The following ITIH5 variants were observed in gnomAD, a reference collection of about 807,000 sequenced individuals.
ITIH5 encodes inter-alpha-trypsin inhibitor heavy chain 5.
Under a neutral mutation model 77.5 loss-of-function variants are expected in ITIH5, and 65 were observed. The observed-to-expected ratio is 0.84, with a 90% confidence interval of 0.69 to 1.03. The LOEUF (loss-of-function observed/expected upper bound fraction) is 1.03, where lower values mean the gene tolerates loss of function less well. Among genes scored for constraint, ITIH5 ranks in the 50% least tolerant of loss-of-function variants. The pLI is 0.00. For synonymous variants in ITIH5, 525 were observed against 494.3 expected, an observed-to-expected ratio of 1.06 and a Z score of -0.82; for missense variants, 1,208 against 1,213.1, an observed-to-expected ratio of 1.00 and a Z score of 0.06.
At chr10:7,602,863 T>C (rs1833043049) in intron 7 of ITIH5, among the ~76,000 whole-genome samples, 1 of 152,190 alleles carries the variant, frequency 6.6e-6, no homozygotes, top group Admixed American at 6.5e-5. Context: ...TCCATCGTTC[T>C]TCCTTCTTCC....
rs1445928760 is a variant in ITIH5, at chr10:7,561,745, T to C, written c.*1338A>G. On this transcript the variant is annotated 3_prime_UTR_variant, in exon 14 of 14. Coordinates refer to ENST00000397146, the MANE Select transcript of ITIH5 (RefSeq NM_030569.7). ...CAGCTTTTCCTCCCAGTGCTAAGCA[T>C]GCCTTCTCATTTCACGCGGGGGCTG... 6.6e-6 allele frequency: 1 copy of C among 152,240 alleles called. No individual in the cohort carries two copies. The highest frequency in any genetic ancestry group is 1.5e-5 in the Non-Finnish European group (1 of 68,054). 9.4% of individuals were successfully genotyped at this position (152,240 alleles called of 1,614,324 possible).
intron 8 of ITIH5, among the ~76,000 whole-genome samples, chr10:7,583,863 T>C (rs1214639760): frequency 6.6e-6 from 1 of 152,092 alleles, no homozygotes; most frequent in Non-Finnish European, 1.5e-5. Flanking sequence ...AACTGGGGCA[T>C]CTCCTTCCCA....
intron 7 of ITIH5, among the ~76,000 whole-genome samples, chr10:7,615,683 T>C (rs1833349077): frequency 6.6e-6 from 1 of 152,204 alleles, no homozygotes; most frequent in Admixed American, 6.5e-5. Flanking sequence ...CCATCAATGA[T>C]AGTGCTGAGG....
rs1012032560 is a variant in ITIH5, at chr10:7,559,945, T to A, written c.*3138A>T. 8.1e-5 allele frequency: 35 copies of A among 430,700 alleles called. No homozygotes were observed. The highest frequency in any genetic ancestry group is 5.8e-4 in the Admixed American group (23 of 39,844). The allele number at this position is 430,700 out of a possible 1,614,324, so 26.7% of individuals were successfully genotyped here. Reference sequence around the variant, plus strand: ...TGGCTCACTACAAGTTCCGACTGCCTGGTTCAAGCGATTCTCCTGCCTCAG... The same window carrying A: ...TGGCTCACTACAAGTTCCGACTGCCAGGTTCAAGCGATTCTCCTGCCTCAG... On this transcript the variant is annotated 3_prime_UTR_variant, in exon 14 of 14. Transcript: ENST00000397146.
At chr10:7,611,740 T>A (rs1018127574) in intron 7 of ITIH5, among the ~76,000 whole-genome samples, 2 of 152,116 alleles carry the variant, frequency 1.3e-5, no homozygotes, top group Non-Finnish European at 2.9e-5. Flanking sequence ...TGCATGCAAT[T>A]TTCTAGTGTT....
rs1279469051 is a variant in ITIH5 at position 7,576,565 on chromosome 10, C to T, written c.1866G>A (p.Lys622=). ...YRFLTPFTSM[K]LRGPVPRMDG... is the part of the protein sequence containing the mutation. ...CCATGCGTGGGACCGGCCCCCTCAG[C>T]TTCATGGAGGTGAAGGGAGTGAGGA... The change falls in exon 10 of 14, where the codon AAG becomes AAA. Residue 622 remains lysine (K), a synonymous_variant. Transcript: ENST00000397146. The T allele has an allele frequency of 6.2e-7, 1 of 1,613,926 alleles. No homozygotes were observed. Among genetic ancestry groups the T allele is most frequent in the Non-Finnish European group, 8.5e-7 (1 of 1,180,026 alleles).
In ITIH5 at chr10:7,601,394, A is replaced by G. The variant is rs574793688; in HGVS notation, c.939+14588T>C. Among the ~76,000 whole-genome samples the G allele has an allele frequency of 2.0e-4, 31 of 152,338 alleles. No homozygotes were observed. The South Asian group carries it at 5.8e-3, about 28-fold the overall frequency. On this transcript the variant is annotated intron_variant, in intron 7 of 13. Coordinates refer to ENST00000397146, the MANE Select transcript of ITIH5 (RefSeq NM_030569.7). ...GTGACTGCTTTGTCCTCACAGAAGC[A>G]AATCTTCCAGAGCCAAATTCAAGGA...
At chr10:7,625,672 G>T (rs535528806) in intron 5 of ITIH5, among the ~76,000 whole-genome samples, 123 of 152,062 alleles carry the variant, frequency 8.1e-4, no homozygotes, top group African/African-American at 2.8e-3. Context: ...GGCTGAGGCA[G>T]GAGAATTGCT....
intron 5 of ITIH5, among the ~76,000 whole-genome samples, chr10:7,628,555 T>TCCACA (rs1456461535): frequency 2.0e-5 from 3 of 152,116 alleles, no homozygotes; most frequent in Non-Finnish European, 1.5e-5. Flanking sequence ...ATACCATGTA[T>TCCACA]TCGTGTTGTG....
chr10:7,568,880 T>C (rs12245783), intron 12 of ITIH5, among the ~76,000 whole-genome samples: 1,781 of 152,250 alleles, frequency 0.012, 41 homozygotes, highest in African/African-American at 0.04. Flanking sequence ...TGACATCCCA[T>C]GTAAGTCATC....
At position 7,580,050 on chromosome 10, in the gene ITIH5, C is replaced by T. The variant is rs781514077; in HGVS notation, c.1123G>A (p.Gly375Arg). The T allele has an allele frequency of 3.7e-6, 6 of 1,603,662 alleles. No individual in the cohort carries two copies. Among genetic ancestry groups the T allele is most frequent in the South Asian group, 2.2e-5 (2 of 89,974 alleles). Residue 375 changes from glycine (G) to arginine (R), a missense_variant, in exon 9 of 14, where the codon GGG (glycine) becomes AGG (arginine). By Grantham distance (125) the Gly-to-Arg change is moderately radical. Transcript: ENST00000397146. ...AGCCTGATGGCCCTCTGCAGGGCCC[C>T]GTTGATGTCTGTGCCTGCAGGACAC... ...MSPTGGTDIN[G>R]ALQRAIRLLN...
chr10:7,637,435 T>G lies in ITIH5; in HGVS notation c.445A>C (p.Ser149Arg). The change falls in exon 5 of 14, where the codon AGC becomes CGC. Residue 149 changes from serine to arginine, a missense_variant. Physicochemically the swap from Ser to Arg is moderately radical, Grantham distance 110 (BLOSUM62 -1). Transcript: ENST00000397146. Reference sequence around the variant, plus strand: ...AGGAAAAAGGCGGCTTTGTCCTTGCTGGGAATCACTGCAGAAGCTCTGAAT... The same window carrying G: ...AGGAAAAAGGCGGCTTTGTCCTTGCGGGGAATCACTGCAGAAGCTCTGAAT... The part of the protein sequence containing the change: ...EIFRASAVIP[S>R]KDKAAFFLSY... The G allele has an allele frequency of 6.2e-7, 1 of 1,613,968 alleles. No individual in the cohort carries two copies. The highest frequency in any genetic ancestry group is 2.2e-5 in the East Asian group (1 of 44,880).
chr10:7,579,647 G>T, intron 9 of ITIH5, 108 bp downstream of exon 9: 1 of 1,097,028 alleles, frequency 9.1e-7, no homozygotes, highest in Non-Finnish European at 1.3e-6. Flanking sequence ...ATCGTTGTCA[G>T]CAGATGCAAG....
intron 7 of ITIH5, among the ~76,000 whole-genome samples, chr10:7,588,521 A>T (rs1003785472): frequency 2.0e-5 from 3 of 152,236 alleles, no homozygotes; most frequent in African/African-American, 7.2e-5. Context: ...TGTCTCAAAA[A>T]ATAAATAAAA....
At chr10:7,600,868 A>C (rs984966674) in intron 7 of ITIH5, among the ~76,000 whole-genome samples, 4 of 152,180 alleles carry the variant, frequency 2.6e-5, no homozygotes, top group Admixed American at 2.0e-4. Flanking sequence ...GAGAACTTGC[A>C]TCTATGACCC....
At chr10:7,581,636 A>G (rs891013811) in intron 8 of ITIH5, among the ~76,000 whole-genome samples, 32 of 151,786 alleles carry the variant, frequency 2.1e-4, no homozygotes, top group African/African-American at 7.0e-4. Context: ...CACTTACTAC[A>G]TGTACATTTT....
At chr10:7,587,112 G>A (rs528687944) in intron 7 of ITIH5, among the ~76,000 whole-genome samples, 2 of 152,240 alleles carry the variant, frequency 1.3e-5, no homozygotes, top group Admixed American at 6.5e-5. Flanking sequence ...TTACAGGCGT[G>A]AGCCACTGCA....
In ITIH5 at chr10:7,573,779, T is replaced by C. The variant is rs532752173; in HGVS notation, c.1979-584A>G. Among the ~76,000 whole-genome samples, 3 of 152,312 alleles carry C rather than the reference T, an allele frequency of 2.0e-5. No homozygotes were observed. The East Asian group carries it at 5.8e-4, about 29-fold the overall frequency. Reference sequence around the variant, plus strand: ...TAATTATTGTATGATTTAGATACTATTCTTTTCTGTGATTTTTGTGTATAT... The same window carrying C: ...TAATTATTGTATGATTTAGATACTACTCTTTTCTGTGATTTTTGTGTATAT... On this transcript the variant is annotated intron_variant, in intron 10 of 13. Transcript: ENST00000397146.
In ITIH5 at chr10:7,616,355, C is replaced by A. The variant is rs554319556; in HGVS notation, c.823-257G>T. 2.0e-5 allele frequency among the ~76,000 whole-genome samples: 3 copies of A among 152,046 alleles called. No individual in the cohort carries two copies. In the South Asian group the frequency reaches 6.2e-4, roughly 32 times the overall value. ...ACCAGTTCAAGTTTAATTATCCATC[C>A]CTTGGACTTTTGCTACTTGAGAATT... On this transcript the variant is annotated intron_variant, in intron 6 of 13. Coordinates refer to ENST00000397146, the MANE Select transcript of ITIH5 (RefSeq NM_030569.7).
Sources: gnomAD v4.1 joint callset for allele counts (sites outside exome capture counted in the v4.1 genomes callset) on GRCh38, gnomAD v4.1.1 for gene constraint, MANE v1.5 for transcripts, NCBI Gene and HGNC (gene_info 2026-07-23, HGNC 2026-07-21) for gene names.